The following MSL3 variants were observed in gnomAD, a reference collection of about 807,000 sequenced individuals.
The protein encoded by MSL3 is MSL complex subunit 3, also known as MSL3-like 1.
Under a neutral mutation model 37.2 loss-of-function variants are expected in MSL3, and 5 were observed. The ratio of observed to expected loss-of-function variants is 0.13; its 90% CI spans 0.07 to 0.28. The LOEUF is 0.28. MSL3 is among the 10% of genes least tolerant of loss of function. MSL3 has a pLI of 1.00. For synonymous variants in MSL3, 149 were observed against 147.6 expected (o/e 1.01, Z -0.07); for missense variants, 315 against 408.5 (o/e 0.77, Z 1.97).
At chrX:11,758,662 G>C in intron 1 of MSL3, 2 of 1,163,688 alleles carry the variant, frequency 1.7e-6, no homozygotes, top group Non-Finnish European at 2.3e-6. Context: ...AACGGTGGCC[G>C]CTGAGGGAGG....
intron 12 of MSL3, among the ~76,000 whole-genome samples, 181 bp downstream of exon 12, chrX:11,772,886 T>C (rs1322225133): frequency 9.0e-6 from 1 of 111,584 alleles, no homozygotes; most frequent in African/African-American, 3.3e-5. Flanking sequence ...ATTTCTTTTT[T>C]CCATAATTTC....
At chrX:11,770,311 C>T (rs1411765044) in intron 10 of MSL3, among the ~76,000 whole-genome samples, 1 of 111,641 alleles carries the variant, frequency 9.0e-6, no homozygotes, top group African/African-American at 3.3e-5. Flanking sequence ...ATCCCTAGTT[C>T]AAGCAGTCCC....
intron 8 of MSL3, among the ~76,000 whole-genome samples, chrX:11,764,921 C>A (rs1428988156): frequency 8.9e-6 from 1 of 112,471 alleles, no homozygotes; most frequent in Admixed American, 9.3e-5. Flanking sequence ...ATGTCAAAGT[C>A]CCCAGGGCCT....
At chrX:11,769,820 G>C (rs973063692) in intron 10 of MSL3, among the ~76,000 whole-genome samples, 1 of 111,912 alleles carries the variant, frequency 8.9e-6, no homozygotes, top group Non-Finnish European at 1.9e-5. Flanking sequence ...TGCCCAGCCT[G>C]GTCACCAACT....
At chrX:11,772,098 G>A in intron 10 of MSL3, 58 bp from the exon 11 acceptor site, 1 of 792,639 alleles carries the variant, frequency 1.3e-6, no homozygotes, top group Non-Finnish European at 1.9e-6. Context: ...TAATTGTTAG[G>A]TGGTTGGAAG....
chrX:11,762,026 T>G, intron 5 of MSL3, 104 bp from the exon 6 acceptor site: 1 of 633,530 alleles, frequency 1.6e-6, no homozygotes. Context: ...CGTGGCATAC[T>G]ATGATTGTTG....
At chrX:11,770,729 A>G (rs1225435640) in intron 10 of MSL3, among the ~76,000 whole-genome samples, 2 of 111,806 alleles carry the variant, frequency 1.8e-5, no homozygotes, top group Non-Finnish European at 3.8e-5. Flanking sequence ...GAAACCTACC[A>G]TTTTTCCCCG....
intron 8 of MSL3, among the ~76,000 whole-genome samples, chrX:11,764,555 G>C (rs2053162475): frequency 9.0e-6 from 1 of 111,184 alleles, no homozygotes; most frequent in African/African-American, 3.3e-5. Context: ...AAGGTATTGT[G>C]CTCGCTCCCT....
In MSL3 at chrX:11,762,929, G is replaced by A. The variant is rs775364937; in HGVS notation, c.681G>A (p.Glu227=). ...TCAATGCAGCCTTTTCAGCCAATGA[G>A]AGGCCTCGTCACCATCACGTTATGC... ...FAINAAFSAN[E]RPRHHHVMPH... The change falls in exon 7 of 13, where the codon GAG becomes GAA. Residue 227 remains glutamate (E), a synonymous_variant. Coordinates refer to ENST00000312196, the MANE Select transcript of MSL3 (RefSeq NM_078629.4). 11 of 1,209,559 alleles carry A rather than the reference G, an allele frequency of 9.1e-6. No homozygotes were observed. Among genetic ancestry groups the A allele is most frequent in the Non-Finnish European group, 5.6e-6 (5 of 894,867 alleles).
intron 3 of MSL3, 74 bp from the exon 4 acceptor site, chrX:11,760,763 A>G (rs2053124672): frequency 2.5e-6 from 2 of 802,980 alleles, no homozygotes; most frequent in East Asian, 7.0e-5. Context: ...ATTGTTTATT[A>G]TATCTTGTTT....
intron 1 of MSL3, 93 bp from the exon 2 acceptor site, chrX:11,759,696 GCTTT>G (rs1405543147): frequency 1.7e-6 from 2 of 1,175,530 alleles, no homozygotes; most frequent in African/African-American, 3.6e-5. Context: ...AGGAGAGAAT[GCTTT>G]CTTTAAAAAA....
rs768916433 is a variant in MSL3, at chrX:11,765,631, G to C, written c.1073G>C (p.Cys358Ser). The C allele has an allele frequency of 3.0e-5, 36 of 1,210,113 alleles. No homozygotes were observed. The highest frequency in any genetic ancestry group is 3.8e-5 in the Non-Finnish European group (34 of 895,125). ...LRRSTRHSANCDRLSESSASP... is the reference protein window; with the variant it reads ...LRRSTRHSANSDRLSESSASP... ...CGGTCCACGCGCCACAGTGCCAACT[G>C]TGACAGGCTTTCTGAGAGCAGCGCT... Residue 358 changes from cysteine to serine, a missense_variant, in exon 9 of 13, where the codon TGT becomes TCT. Transcript: ENST00000312196.
At chrX:11,758,482 A>C in intron 1 of MSL3, 117 bp downstream of exon 1, 1 of 969,631 alleles carries the variant, frequency 1.0e-6, no homozygotes, top group Non-Finnish European at 1.3e-6. Flanking sequence ...TCGGCCTGCG[A>C]GGAGCGGTGC....
rs989166982 is a variant in MSL3 at position 11,765,546 on chromosome X, G to A, written c.988G>A (p.Gly330Ser). The A allele has an allele frequency of 4.1e-6, 5 of 1,211,136 alleles. No individual in the cohort carries two copies. The highest frequency in any genetic ancestry group is 2.3e-4 in the Middle Eastern group (1 of 4,352). Residue 330 changes from glycine (G) to serine (S), a missense_variant, in exon 9 of 13, where the codon GGT becomes AGT. Coordinates refer to ENST00000312196, the MANE Select transcript of MSL3 (RefSeq NM_078629.4). ...PQSTESQPTT[G>S]EPATPKRRKA... is the part of the protein sequence containing the mutation. ...GTCCACAGAGAGTCAGCCGACCACCGGTGAACCAGCCACCCCCAAAAGGCG... is the reference window on the plus strand; with the variant it reads ...GTCCACAGAGAGTCAGCCGACCACCAGTGAACCAGCCACCCCCAAAAGGCG...
At chrX:11,774,707 G>T (rs1160453101) in intron 12 of MSL3, among the ~76,000 whole-genome samples, 1 of 110,935 alleles carries the variant, frequency 9.0e-6, no homozygotes, top group Admixed American at 9.6e-5. Context: ...CAACAGAAGT[G>T]TTTATATAAC....
chrX:11,760,025 A>G (rs1176406708), intron 2 of MSL3, 150 bp downstream of exon 2: 3 of 620,149 alleles, frequency 4.8e-6, no homozygotes, highest in Non-Finnish European at 7.1e-6. Context: ...AGTTTTTGAA[A>G]CACTTGTAGA....
At position 11,768,680 on chromosome X, in the gene MSL3, G is replaced by A. The variant is rs2053206691; in HGVS notation, c.1279G>A (p.Glu427Lys). 1.7e-6 allele frequency: 2 copies of A among 1,149,200 alleles called. No homozygotes were observed. The highest frequency in any genetic ancestry group is 2.4e-6 in the Non-Finnish European group (2 of 838,581). 94.7% of individuals were successfully genotyped at this position (1,149,200 alleles called of 1,213,427 possible). Residue 427 changes from glutamate to lysine, a missense_variant and splice_region_variant, in exon 10 of 13, where the codon GAG becomes AAG. Glu to Lys is a moderately conservative substitution (Grantham distance 56). Transcript: ENST00000312196. ...FEGRRTNEIN[E>K]VLSWKLVPDN... ...AGGGAGAAGAACTAATGAAATAAAC[G>A]AGGTAAAGAATGTTTGATGTTTGTT...
intron 8 of MSL3, 168 bp downstream of exon 8, chrX:11,764,106 A>G: frequency 2.3e-6 from 1 of 435,083 alleles, no homozygotes; most frequent in African/African-American, 2.5e-5. Flanking sequence ...AAGCTAAGTC[A>G]TCATTCACTT....
At chrX:11,759,120 A>G (rs2053102136) in intron 1 of MSL3, among the ~76,000 whole-genome samples, 1 of 111,915 alleles carries the variant, frequency 8.9e-6, no homozygotes, top group Non-Finnish European at 1.9e-5. Context: ...CTTTCATTTC[A>G]GAGACCTGGG....
Sources: allele counts gnomAD v4.1 joint callset (sites outside exome capture counted in the v4.1 genomes callset), GRCh38; gene constraint gnomAD v4.1.1; transcripts MANE v1.5; gene names NCBI Gene and HGNC (gene_info 2026-07-23, HGNC 2026-07-21).